The following ILRUN variants were observed in gnomAD, a reference collection of about 807,000 sequenced individuals.
ILRUN encodes inflammation and lipid regulator with UBA-like and NBR1-like domains.
ILRUN carries 3 observed loss-of-function variants against 33.8 expected under a neutral mutation model. That is an observed-to-expected ratio of 0.09 (90% CI 0.04 to 0.23). The LOEUF is 0.23. Among genes scored for constraint, ILRUN ranks in the 10% least tolerant of loss-of-function variants. The pLI, the probability that ILRUN is intolerant of heterozygous loss-of-function variation, is 1.00. For missense variants in ILRUN, 210 were observed against 375.1 expected (o/e 0.56, Z 3.64); for synonymous variants, 124 against 138.9 (o/e 0.89, Z 0.75).
intron 1 of ILRUN, among the ~76,000 whole-genome samples, chr6:34,664,466 G>A (rs907765641): frequency 3.9e-5 from 6 of 152,172 alleles, no homozygotes; most frequent in East Asian, 3.9e-4. Context: ...CCACAGCACC[G>A]GGATCAAAAT....
chr6:34,637,027 T>C (rs1272294097), intron 3 of ILRUN, among the ~76,000 whole-genome samples: 1 of 152,206 alleles, frequency 6.6e-6, no homozygotes, highest in African/African-American at 2.4e-5. Flanking sequence ...ATGGACCATC[T>C]AATGTTTTCA....
At chr6:34,693,230 G>A (rs1297941987) in intron 1 of ILRUN, among the ~76,000 whole-genome samples, 1 of 152,072 alleles carries the variant, frequency 6.6e-6, no homozygotes, top group African/African-American at 2.4e-5. Flanking sequence ...TATAATCAAA[G>A]AAAATAAAGA....
chr6:34,641,117 C>A (rs1421128424), intron 3 of ILRUN, among the ~76,000 whole-genome samples: 1 of 150,514 alleles, frequency 6.6e-6, no homozygotes, highest in Non-Finnish European at 1.5e-5. Context: ...GAAACAACCA[C>A]CCCACCAAAA....
intron 4 of ILRUN, among the ~76,000 whole-genome samples, chr6:34,602,822 T>C (rs1761538264): frequency 6.6e-6 from 1 of 152,180 alleles, no homozygotes; most frequent in Non-Finnish European, 1.5e-5. Context: ...CCCCTTTGCG[T>C]TGTGGGATGC....
At chr6:34,623,548 T>C (rs1322462937) in intron 3 of ILRUN, among the ~76,000 whole-genome samples, 4 of 152,168 alleles carry the variant, frequency 2.6e-5, no homozygotes, top group African/African-American at 7.2e-5. Context: ...GAGTGGGTAA[T>C]AGCACTACCA....
chr6:34,640,257 C>G (rs902257365), intron 3 of ILRUN, among the ~76,000 whole-genome samples: 1 of 151,732 alleles, frequency 6.6e-6, no homozygotes, highest in South Asian at 2.1e-4. Context: ...GTGTCCACAC[C>G]ACATGCCGAA....
At chr6:34,626,881 T>A (rs1303805242) in intron 3 of ILRUN, among the ~76,000 whole-genome samples, 2 of 151,928 alleles carry the variant, frequency 1.3e-5, no homozygotes, top group African/African-American at 4.8e-5. Context: ...GGTGCGCACT[T>A]GTAATCCCAG....
intron 3 of ILRUN, among the ~76,000 whole-genome samples, chr6:34,623,276 A>C (rs1336873292): frequency 6.6e-6 from 1 of 152,210 alleles, no homozygotes; most frequent in Non-Finnish European, 1.5e-5. Context: ...AAAACATCAG[A>C]GGCCTACTGA....
chr6:34,691,739 T>G (rs1241934844), intron 1 of ILRUN, among the ~76,000 whole-genome samples: 2 of 151,806 alleles, frequency 1.3e-5, no homozygotes, highest in Non-Finnish European at 2.9e-5. Context: ...GAGGTTGCAG[T>G]GAGCCAAGAT....
At chr6:34,593,943 T>G (rs547106713) in intron 4 of ILRUN, among the ~76,000 whole-genome samples, 4 of 152,186 alleles carry the variant, frequency 2.6e-5, no homozygotes, top group Non-Finnish European at 5.9e-5. Flanking sequence ...AGGAAGACCA[T>G]CGCGGTACCT....
chr6:34,670,149 G>A (rs1763086459), intron 1 of ILRUN, among the ~76,000 whole-genome samples: 1 of 152,084 alleles, frequency 6.6e-6, no homozygotes, highest in African/African-American at 2.4e-5. Context: ...CTGACCTCAG[G>A]CAACCCACCC....
rs1450078280 is a variant in ILRUN at position 34,646,446 on chromosome 6, A to T, written c.511+155T>A. Among the ~76,000 whole-genome samples the T allele has an allele frequency of 1.3e-5, 2 of 152,252 alleles. No individual in the cohort carries two copies. Among genetic ancestry groups the T allele is most frequent in the African/African-American group, 4.8e-5 (2 of 41,462 alleles). On this transcript the variant is annotated intron_variant, in intron 3 of 4. Coordinates refer to ENST00000374023, the MANE Select transcript of ILRUN (RefSeq NM_024294.4). This position sits in a 1 kb window ranked among gnomAD's most constrained non-coding sequence, Gnocchi z 4.9. Reference sequence around the variant, plus strand: ...AGAAAGAGCACTAGACTAATCAATTAGTCATAAAATGCAAATCATTTACCT... The same window carrying T: ...AGAAAGAGCACTAGACTAATCAATTTGTCATAAAATGCAAATCATTTACCT...
At chr6:34,677,304 C>T (rs1763256372) in intron 1 of ILRUN, among the ~76,000 whole-genome samples, 1 of 150,384 alleles carries the variant, frequency 6.6e-6, no homozygotes, top group South Asian at 2.1e-4. Flanking sequence ...GAGACTCTGT[C>T]TCAAAGGAAA....
intron 2 of ILRUN, among the ~76,000 whole-genome samples, chr6:34,653,392 G>A (rs138966037): frequency 0.011 from 1,717 of 151,722 alleles, 13 homozygotes; most frequent in Non-Finnish European, 0.016. Context: ...CACCATACCC[G>A]GTTAATTTCT....
At chr6:34,668,599 T>C (rs1039726298) in intron 1 of ILRUN, among the ~76,000 whole-genome samples, 2 of 152,188 alleles carry the variant, frequency 1.3e-5, no homozygotes, top group Non-Finnish European at 2.9e-5. Context: ...TAGGCCCATC[T>C]ACAAAAGATC....
chr6:34,618,699 C>A (rs1761949398), intron 3 of ILRUN, among the ~76,000 whole-genome samples: 1 of 152,302 alleles, frequency 6.6e-6, no homozygotes, highest in South Asian at 2.1e-4. Flanking sequence ...TCCTCTCTTC[C>A]TCCCCCTCAT....
intron 3 of ILRUN, among the ~76,000 whole-genome samples, chr6:34,623,399 C>T (rs1233116604): frequency 2.0e-5 from 3 of 152,068 alleles, no homozygotes; most frequent in African/African-American, 7.3e-5. Context: ...ACAATCCCAC[C>T]CCACCCCTGG....
chr6:34,676,550 T>TC (rs1763240174), intron 1 of ILRUN, among the ~76,000 whole-genome samples: 1 of 151,026 alleles, frequency 6.6e-6, no homozygotes, highest in African/African-American at 2.5e-5. Flanking sequence ...TCACCTAGGC[T>TC]CCAGAGCAGT....
At chr6:34,650,237 T>C (rs1762633209) in intron 2 of ILRUN, among the ~76,000 whole-genome samples, 1 of 152,132 alleles carries the variant, frequency 6.6e-6, no homozygotes, top group South Asian at 2.1e-4. Flanking sequence ...ATTTTCATTT[T>C]AACTCCCAAA....
Sources: gnomAD v4.1 joint callset for allele counts (sites outside exome capture counted in the v4.1 genomes callset) on GRCh38, gnomAD v4.1.1 for gene constraint, Gnocchi (gnomAD v3.1) non-coding constraint, MANE v1.5 for transcripts, NCBI Gene and HGNC (gene_info 2026-07-23, HGNC 2026-07-21) for gene names.